Variants in TRPM3 observed in about 807,000 individuals in gnomAD.
TRPM3 encodes long transient receptor potential channel 3.
TRPM3 carries 77 observed loss-of-function variants against 181.2 expected under a neutral mutation model. The ratio of observed to expected loss-of-function variants is 0.42; its 90% CI spans 0.35 to 0.51. The LOEUF is 0.51. TRPM3 is among the 20% of genes least tolerant of loss of function. The pLI is 0.01. For synonymous variants in TRPM3, 745 were observed against 796.4 expected (o/e 0.94, Z 1.09); for missense variants, 1,759 against 2,196.7 (o/e 0.80, Z 3.98).
intron 1 of TRPM3, among the ~76,000 whole-genome samples, chr9:71,219,235 T>C (rs767500274): frequency 9.2e-5 from 14 of 152,166 alleles, no homozygotes; most frequent in Non-Finnish European, 1.9e-4. Context: ...TTTTTTTCCA[T>C]GGATGTCAAT....
intron 1 of TRPM3, among the ~76,000 whole-genome samples, chr9:71,033,138 G>A (rs896971549): frequency 1.9e-4 from 29 of 152,312 alleles, no homozygotes; most frequent in Middle Eastern, 3.4e-3. Flanking sequence ...AAAAGAAAGG[G>A]TCCTAGATGG....
chr9:70,737,789 A>C (rs1587612793), intron 8 of TRPM3, among the ~76,000 whole-genome samples: 1 of 152,296 alleles, frequency 6.6e-6, no homozygotes, highest in East Asian at 1.9e-4. Context: ...GACATTAAAT[A>C]ACGTTAAAAG....
chr9:70,832,795 G>A (rs1026169458), intron 5 of TRPM3, among the ~76,000 whole-genome samples: 6 of 152,194 alleles, frequency 3.9e-5, no homozygotes, highest in Non-Finnish European at 7.3e-5. Flanking sequence ...TCACCCAGAA[G>A]TAGTAAACAG....
At chr9:71,060,143 G>C (rs1369953114) in intron 1 of TRPM3, among the ~76,000 whole-genome samples, 2 of 152,096 alleles carry the variant, frequency 1.3e-5, no homozygotes, top group East Asian at 3.9e-4. Flanking sequence ...ATCAATGCAA[G>C]CAAGAGCTTG....
chr9:70,896,348 C>A (rs568770686), intron 1 of TRPM3, among the ~76,000 whole-genome samples: 2 of 152,248 alleles, frequency 1.3e-5, no homozygotes, highest in Admixed American at 6.5e-5. Context: ...GTGCTTTAAT[C>A]TTATAGACTT....
intron 5 of TRPM3, among the ~76,000 whole-genome samples, chr9:70,834,828 A>G (rs1167598606): frequency 6.6e-6 from 1 of 152,204 alleles, no homozygotes; most frequent in Admixed American, 6.5e-5. Context: ...CAAGCCACGC[A>G]TACATTCCTG....
rs780430237 is a variant in TRPM3 at position 70,640,635 on chromosome 9, T to C, written c.1371A>G (p.Gln457=). 6.2e-6 allele frequency: 10 copies of C among 1,613,534 alleles called. No homozygotes were observed. The highest frequency in any genetic ancestry group is 8.5e-6 in the Non-Finnish European group (10 of 1,179,788). ...TGTTCCAGGCTAAAGCTAAGCTCAG[T>C]TGGTCTGGGGCCGAGGCATTGGCTC... The part of the protein sequence containing the change: ...LKGANASAPD[Q]LSLALAWNRV... The change falls in exon 10 of 26, where the codon CAA becomes CAG. Residue 457 remains glutamine (Q), a synonymous_variant. Coordinates refer to ENST00000677713, the MANE Select transcript of TRPM3 (RefSeq NM_001366145.2).
At chr9:70,571,833 A>T (rs1213862579) in intron 22 of TRPM3, among the ~76,000 whole-genome samples, 1 of 152,098 alleles carries the variant, frequency 6.6e-6, no homozygotes, top group Non-Finnish European at 1.5e-5. Flanking sequence ...ATTTTTCTCA[A>T]TAATAGCCTG....
At chr9:71,019,519 T>G (rs2097823768) in intron 1 of TRPM3, among the ~76,000 whole-genome samples, 1 of 152,058 alleles carries the variant, frequency 6.6e-6, no homozygotes, top group Admixed American at 6.5e-5. Flanking sequence ...AATAAAAATT[T>G]TAACAAAAGC....
In TRPM3 at chr9:70,873,174, G is replaced by A. The variant is rs2095817802; in HGVS notation, c.178-8663C>T. 2.0e-5 allele frequency among the ~76,000 whole-genome samples: 3 copies of A among 151,978 alleles called. 1 individual carries two copies. In the South Asian group the frequency reaches 6.2e-4, roughly 31 times the overall value. On this transcript the variant is annotated intron_variant, in intron 1 of 25. Transcript: ENST00000677713. ...CCAAGTTTGAGAAACACAGGACCAAGCGCTCTTAAATGTCCCTCAGGCTCC... is the reference window on the plus strand; with the variant it reads ...CCAAGTTTGAGAAACACAGGACCAAACGCTCTTAAATGTCCCTCAGGCTCC...
chr9:70,865,086 G>A (rs2095620561), intron 1 of TRPM3, among the ~76,000 whole-genome samples: 1 of 151,712 alleles, frequency 6.6e-6, no homozygotes, highest in Non-Finnish European at 1.5e-5. Context: ...GAAGATAAAT[G>A]CTTTTATCAT....
intron 1 of TRPM3, among the ~76,000 whole-genome samples, chr9:71,110,667 C>T (rs2070872719): frequency 1.3e-5 from 2 of 152,134 alleles, no homozygotes; most frequent in Non-Finnish European, 2.9e-5. Flanking sequence ...GATGAGAAAG[C>T]TGAAGCATTG....
At position 71,420,727 on chromosome 9, in the gene TRPM3, G is replaced by GAGAAAGAGAAAGAGAGAGAA. The variant is rs753517052; in HGVS notation, c.183+25925_183+25926insTTCTCTCTCTTTCTCTTTCT. 5.1e-3 allele frequency among the ~76,000 whole-genome samples: 233 copies of GAGAAAGAGAAAGAGAGAGAA among 45,318 alleles called. 7 individuals are homozygous for GAGAAAGAGAAAGAGAGAGAA. The highest frequency in any genetic ancestry group is 6.7e-3 in the Non-Finnish European group (164 of 24,362). 29.7% of individuals were successfully genotyped at this position (45,318 alleles called of 152,430 possible). A position where few individuals can be genotyped will look rare whatever the true frequency, so the allele number is the denominator to read the frequency against. ...AGAGAGAAAGAAAGAGAGAAAGAGA[G>GAGAAAGAGAAAGAGAGAGAA]AGAGAGAGAAAGAGAGAGAAAGAGA... On this transcript the variant is annotated intron_variant, in intron 1 of 24. Coordinates refer to the TRPM3 transcript ENST00000357533.
At chr9:70,872,848 A>G (rs989102841) in intron 1 of TRPM3, among the ~76,000 whole-genome samples, 3 of 151,960 alleles carry the variant, frequency 2.0e-5, no homozygotes, top group Non-Finnish European at 4.4e-5. Flanking sequence ...TTAATTCTTC[A>G]TTGGAAAATG....
chr9:70,964,848 G>A (rs911616894), intron 1 of TRPM3, among the ~76,000 whole-genome samples: 2 of 151,972 alleles, frequency 1.3e-5, no homozygotes, highest in African/African-American at 4.8e-5. Flanking sequence ...ACTCTTTTCT[G>A]TTATATGGGA....
Position 71,240,134 on chromosome 9 carries a change from A to C in TRPM3, c.183+206519T>G, listed in dbSNP as rs185364810. Among the ~76,000 whole-genome samples, 201 of 152,342 alleles carry C rather than the reference A, an allele frequency of 1.3e-3. 7 individuals are homozygous for C. The highest frequency in any genetic ancestry group is 0.013 in the Admixed American group (200 of 15,298). On this transcript the variant is annotated intron_variant, in intron 1 of 24. Transcript: ENST00000357533. ...TTTAGTGCATCTTGAAATTTATTAC[A>C]TAAATGTAGTTTCTTTTCCTCTGGA...
intron 1 of TRPM3, among the ~76,000 whole-genome samples, chr9:71,045,672 A>G (rs1256665993): frequency 1.3e-5 from 2 of 152,182 alleles, no homozygotes; most frequent in African/African-American, 4.8e-5. Flanking sequence ...GAAAGAATAG[A>G]GTTTTCCTAA....
intron 1 of TRPM3, among the ~76,000 whole-genome samples, chr9:71,291,949 T>A (rs1379587806): frequency 1.3e-5 from 2 of 152,070 alleles, no homozygotes; most frequent in African/African-American, 4.8e-5. Flanking sequence ...CTGTTTTAGA[T>A]AATCAATGTC....
chr9:71,010,154 T>C (rs551786911), intron 1 of TRPM3, among the ~76,000 whole-genome samples: 1 of 152,238 alleles, frequency 6.6e-6, no homozygotes, highest in South Asian at 2.1e-4. Context: ...GAAAAATGTT[T>C]CATGAAATTG....
Sources: allele counts gnomAD v4.1 joint callset (sites outside exome capture counted in the v4.1 genomes callset), GRCh38; gene constraint gnomAD v4.1.1; transcripts MANE v1.5; gene names NCBI Gene and HGNC (gene_info 2026-07-23, HGNC 2026-07-21).